KIF13A: variants seen among roughly 807,000 people sequenced by gnomAD.
KIF13A encodes kinesin family member 13A, also known as kinesin-like protein KIF13A.
KIF13A carries 79 observed loss-of-function variants against 212.2 expected under a neutral mutation model. That is an observed-to-expected ratio of 0.37 (90% CI 0.31 to 0.45). The LOEUF (loss-of-function observed/expected upper bound fraction) is 0.45, where lower values mean the gene tolerates loss of function less well. Ranked by LOEUF, KIF13A falls within the 20% of genes least tolerant of loss-of-function variation. The pLI is 1.00. For synonymous variants in KIF13A, 789 were observed against 808.6 expected, an observed-to-expected ratio of 0.98 and a Z score of 0.41; for missense variants, 1,901 against 2,209.0, an observed-to-expected ratio of 0.86 and a Z score of 2.79.
downstream of KIF13A, among the ~76,000 whole-genome samples, chr6:17,761,144 T>C (rs148269581): frequency 7.0e-4 from 107 of 152,294 alleles, no homozygotes; most frequent in East Asian, 0.02. Flanking sequence ...GTCTAAGTCA[T>C]TTCAGGGGTT....
chr6:17,902,539 T>A (rs559034311), intron 2 of KIF13A, among the ~76,000 whole-genome samples: 1 of 152,298 alleles, frequency 6.6e-6, no homozygotes, highest in South Asian at 2.1e-4. Flanking sequence ...ACCCACACCA[T>A]GAGTTTTTAC....
At chr6:17,830,780 C>T (rs761526456) in intron 13 of KIF13A, among the ~76,000 whole-genome samples, 3 of 152,158 alleles carry the variant, frequency 2.0e-5, no homozygotes, top group Non-Finnish European at 4.4e-5. Context: ...TGTGGAAGAA[C>T]ACAGATATTC....
chr6:17,874,743 T>G (rs1231959705), intron 3 of KIF13A, among the ~76,000 whole-genome samples: 3 of 151,950 alleles, frequency 2.0e-5, no homozygotes, highest in Non-Finnish European at 4.4e-5. Flanking sequence ...GCATCATATT[T>G]GTAGTCTTTT....
At chr6:17,800,539 C>A (rs773876559) in intron 20 of KIF13A, among the ~76,000 whole-genome samples, 1 of 151,374 alleles carries the variant, frequency 6.6e-6, no homozygotes, top group Non-Finnish European at 1.5e-5. Context: ...TGAGTTCAAG[C>A]GATTCTCCTG....
At chr6:17,859,638 A>ATATATATATATATATATATATTTTTTTTT (rs1461455926) in intron 4 of KIF13A, among the ~76,000 whole-genome samples, 7 of 111,848 alleles carry the variant, frequency 6.3e-5, no homozygotes, top group African/African-American at 2.1e-4. Context: ...ATATATATAT[A>ATATATATATATATATATATATTTTTTTTT]TTTTTTTTTT....
At chr6:17,790,723 C>A (rs1761458680) in intron 25 of KIF13A, among the ~76,000 whole-genome samples, 1 of 152,174 alleles carries the variant, frequency 6.6e-6, no homozygotes, top group African/African-American at 2.4e-5. Context: ...GCTGTCTTCC[C>A]TGATGCAATC....
At chr6:17,909,902 G>C (rs1434029572) in intron 2 of KIF13A, among the ~76,000 whole-genome samples, 1 of 152,120 alleles carries the variant, frequency 6.6e-6, no homozygotes, top group African/African-American at 2.4e-5. Context: ...AAAAGAGAGA[G>C]AGAGTGGGGA....
At chr6:17,847,979 T>A (rs1271888413) in intron 9 of KIF13A, among the ~76,000 whole-genome samples, 1 of 151,914 alleles carries the variant, frequency 6.6e-6, no homozygotes, top group East Asian at 1.9e-4. Flanking sequence ...GCCTGGCTAA[T>A]TTTTTGCATT....
At chr6:17,870,778 C>G (rs907660559) in intron 4 of KIF13A, among the ~76,000 whole-genome samples, 6 of 152,190 alleles carry the variant, frequency 3.9e-5, no homozygotes, top group South Asian at 4.2e-4. Context: ...TGGGTTCCCC[C>G]CCGCCAAGAT....
chr6:17,847,971 C>T (rs1767242822), intron 9 of KIF13A, among the ~76,000 whole-genome samples: 1 of 152,102 alleles, frequency 6.6e-6, no homozygotes, highest in South Asian at 2.1e-4. Flanking sequence ...GCCACCATGC[C>T]TGGCTAATTT....
intron 2 of KIF13A, among the ~76,000 whole-genome samples, chr6:17,977,128 A>G (rs1417313005): frequency 1.3e-5 from 2 of 151,240 alleles, no homozygotes; most frequent in African/African-American, 4.8e-5. Flanking sequence ...AAAAAAAAAA[A>G]AAAAAAAAGA....
At chr6:17,907,135 C>T (rs960597177) in intron 2 of KIF13A, among the ~76,000 whole-genome samples, 1 of 152,156 alleles carries the variant, frequency 6.6e-6, no homozygotes, top group Non-Finnish European at 1.5e-5. Flanking sequence ...TTACTATCTG[C>T]TTTAACTCAC....
At chr6:17,935,823 A>G (rs1776408924) in intron 2 of KIF13A, among the ~76,000 whole-genome samples, 4 of 152,216 alleles carry the variant, frequency 2.6e-5, no homozygotes, top group Non-Finnish European at 4.4e-5. Context: ...AGCTCTTAAA[A>G]AGATAAAATT....
At chr6:17,928,527 A>C (rs766483168) in intron 2 of KIF13A, among the ~76,000 whole-genome samples, 3 of 152,200 alleles carry the variant, frequency 2.0e-5, no homozygotes, top group Non-Finnish European at 4.4e-5. Flanking sequence ...AAAGTGCTGC[A>C]AAGGGATTGA....
Position 17,828,995 on chromosome 6 carries a change from T to A in KIF13A, c.1402-625A>T, listed in dbSNP as rs1244978908. Among the ~76,000 whole-genome samples the A allele has an allele frequency of 1.3e-5, 2 of 151,510 alleles. No individual in the cohort carries two copies. The highest frequency in any genetic ancestry group is 2.9e-5 in the Non-Finnish European group (2 of 67,954). On this transcript the variant is annotated intron_variant, in intron 13 of 38. Coordinates refer to ENST00000259711, the MANE Select transcript of KIF13A (RefSeq NM_022113.6). This position sits in a 1 kb window ranked among gnomAD's most constrained non-coding sequence, Gnocchi z 4.3. ...TGGTGTCTCACTCTGTCACCCAGGC[T>A]GGAGTGCAGTGGTGCAATCTCAGCT... is the stretch of plus-strand genomic sequence containing the variant.
chr6:17,896,457 A>G (rs1366688307), intron 3 of KIF13A, among the ~76,000 whole-genome samples: 2 of 152,148 alleles, frequency 1.3e-5, no homozygotes, highest in Non-Finnish European at 2.9e-5. Context: ...CAACATTTAC[A>G]TAGTTTCTAT....
chr6:17,886,891 GA>G lies in KIF13A; in HGVS notation c.159+11276del, dbSNP rs879513996. 0.011 allele frequency among the ~76,000 whole-genome samples: 1,615 copies of G among 140,844 alleles called. 19 individuals are homozygous for G. Among genetic ancestry groups the G allele is most frequent in the African/African-American group, 0.038 (1,469 of 38,756 alleles). 92.4% of individuals were successfully genotyped at this position (140,844 alleles called of 152,430 possible). On this transcript the variant is annotated intron_variant, in intron 3 of 38. Coordinates refer to ENST00000259711, the MANE Select transcript of KIF13A (RefSeq NM_022113.6). This position sits in a 1 kb window ranked among gnomAD's most constrained non-coding sequence, Gnocchi z 5.6. The stretch of plus-strand genomic sequence containing the variant: ...GTTTTGTTGTCGTTGTTAAAAAGAG[GA>G]AAAAAAAAAAAGTCTTGGGAAATTT...
In KIF13A at chr6:17,785,501, G is replaced by T. The variant is rs1429666401; in HGVS notation, c.3488+14C>A. On this transcript the variant is annotated intron_variant, in intron 28 of 38. Coordinates refer to ENST00000259711, the MANE Select transcript of KIF13A (RefSeq NM_022113.6). This position sits in a 1 kb window ranked among gnomAD's most constrained non-coding sequence, Gnocchi z 5.8. ...CATCTCCCCAGGTCTGCACAGAAGG[G>T]AGGGCAGCCTTACCAGTCGGCAGGT... 3 of 1,546,764 alleles carry T rather than the reference G, an allele frequency of 1.9e-6. No homozygotes were observed.
intron 2 of KIF13A, among the ~76,000 whole-genome samples, chr6:17,940,048 TA>T (rs56365666): frequency 7.5e-4 from 91 of 121,854 alleles, no homozygotes; most frequent in Admixed American, 1.5e-3. Context: ...TCTCATAAAT[TA>T]AAAAAAAAAA....
Sources: allele counts gnomAD v4.1 joint callset (sites outside exome capture counted in the v4.1 genomes callset), GRCh38; gene constraint gnomAD v4.1.1; non-coding constraint Gnocchi (gnomAD v3.1); transcripts MANE v1.5; gene names NCBI Gene and HGNC (gene_info 2026-07-23, HGNC 2026-07-21).